The following PRKG1 variants were observed in gnomAD, a reference collection of about 807,000 sequenced individuals.
The protein encoded by PRKG1 is protein kinase cGMP-dependent 1.
PRKG1 carries 35 observed loss-of-function variants against 88.1 expected under a neutral mutation model. The observed-to-expected ratio is 0.40, with a 90% CI of 0.30 to 0.53. The LOEUF (loss-of-function observed/expected upper bound fraction) is 0.53. PRKG1 is among the 20% of genes least tolerant of loss of function. The pLI is 0.59. For missense variants in PRKG1, 540 were observed against 839.8 expected, an observed-to-expected ratio of 0.64 and a Z score of 4.41; for synonymous variants, 303 against 292.5, an observed-to-expected ratio of 1.04 and a Z score of -0.37.
intron 7 of PRKG1, among the ~76,000 whole-genome samples, chr10:52,110,474 A>G (rs538489243): frequency 4.8e-4 from 73 of 152,122 alleles, no homozygotes; most frequent in African/African-American, 1.7e-3. Flanking sequence ...AGATGGAGGC[A>G]GGAGGAAGAA....
At chr10:52,168,415 C>G (rs1185697029) in intron 9 of PRKG1, among the ~76,000 whole-genome samples, 1 of 152,044 alleles carries the variant, frequency 6.6e-6, no homozygotes, top group Non-Finnish European at 1.5e-5. Flanking sequence ...ATTATATAGT[C>G]AAGGAATTAA....
chr10:52,255,809 A>G (rs1487914545), intron 10 of PRKG1, among the ~76,000 whole-genome samples: 1 of 152,082 alleles, frequency 6.6e-6, no homozygotes, highest in East Asian at 1.9e-4. Context: ...ATTATGGAAC[A>G]TACTTAGTAA....
At chr10:51,044,016 G>A (rs55767509) in intron 1 of PRKG1, among the ~76,000 whole-genome samples, 35,866 of 152,070 alleles carry the variant, frequency 0.24, 4,372 homozygotes, top group Admixed American at 0.27. Context: ...ACCCTAAGAA[G>A]AAAATACTGT....
chr10:51,057,741 T>C (rs1843643106), intron 1 of PRKG1, among the ~76,000 whole-genome samples: 1 of 152,330 alleles, frequency 6.6e-6, no homozygotes, highest in South Asian at 2.1e-4. Flanking sequence ...ATTGGATTAA[T>C]ATATATTTAT....
chr10:51,414,275 G>C (rs906727337), intron 2 of PRKG1, among the ~76,000 whole-genome samples: 5 of 152,186 alleles, frequency 3.3e-5, no homozygotes, highest in African/African-American at 1.2e-4. Context: ...AAATAAGAAT[G>C]ATGGGTAGGT....
rs896372973 is a variant in PRKG1, at chr10:51,537,049, G to A, written c.592+69213G>A. Among the ~76,000 whole-genome samples, 6 of 152,090 alleles carry A rather than the reference G, an allele frequency of 3.9e-5. No homozygotes were observed. The South Asian group carries it at 1.2e-3, about 32-fold the overall frequency. On this transcript the variant is annotated intron_variant, in intron 3 of 17. Transcript: ENST00000373980. The stretch of plus-strand genomic sequence containing the variant: ...TGACTTTTGTTTATGGTAAAAGGTA[G>A]ATGTCCAGGTCCACTCTTCCTGCAT...
intron 9 of PRKG1, among the ~76,000 whole-genome samples, chr10:52,240,644 C>T (rs961247204): frequency 2.6e-5 from 4 of 152,094 alleles, no homozygotes; most frequent in African/African-American, 9.7e-5. Context: ...GAGATGTTTC[C>T]TGGGACTTAA....
At chr10:52,114,882 C>T (rs75319075) in intron 7 of PRKG1, among the ~76,000 whole-genome samples, 12 of 151,174 alleles carry the variant, frequency 7.9e-5, no homozygotes, top group African/African-American at 2.7e-4. Context: ...GTGAATGGAG[C>T]ATTGTAAAGG....
At chr10:51,708,325 T>A (rs1252579159) in intron 3 of PRKG1, among the ~76,000 whole-genome samples, 1 of 152,152 alleles carries the variant, frequency 6.6e-6, no homozygotes, top group African/African-American at 2.4e-5. Flanking sequence ...TAATTATAAT[T>A]ATCTCTTTAG....
chr10:52,096,149 T>C (rs1281588218), intron 7 of PRKG1, among the ~76,000 whole-genome samples: 1 of 152,210 alleles, frequency 6.6e-6, no homozygotes, highest in East Asian at 1.9e-4. Flanking sequence ...CTGATACGTT[T>C]TGTACTCTCT....
intron 2 of PRKG1, among the ~76,000 whole-genome samples, chr10:51,242,343 A>G (rs1839177092): frequency 6.6e-6 from 1 of 152,218 alleles, no homozygotes. Flanking sequence ...AACAAGTCCT[A>G]CTTTGTCTTC....
At chr10:52,169,010 A>G (rs1838579573) in intron 9 of PRKG1, among the ~76,000 whole-genome samples, 1 of 152,198 alleles carries the variant, frequency 6.6e-6, no homozygotes. Flanking sequence ...GAACATTTCG[A>G]TGTTAGATAG....
At chr10:51,380,105 T>C (rs930679980) in intron 2 of PRKG1, among the ~76,000 whole-genome samples, 2 of 152,180 alleles carry the variant, frequency 1.3e-5, no homozygotes, top group Non-Finnish European at 2.9e-5. Flanking sequence ...TTGCACTCTC[T>C]CTCTACCCCC....
intron 2 of PRKG1, among the ~76,000 whole-genome samples, chr10:51,331,060 C>T (rs1034363570): frequency 1.3e-5 from 2 of 152,092 alleles, no homozygotes; most frequent in African/African-American, 4.8e-5. Context: ...ATGTGGCTAG[C>T]ATGGTGCTTC....
intron 2 of PRKG1, among the ~76,000 whole-genome samples, chr10:51,277,001 A>G (rs1256889453): frequency 6.6e-6 from 1 of 152,098 alleles, no homozygotes; most frequent in Non-Finnish European, 1.5e-5. Flanking sequence ...TTTTGTTGCC[A>G]TTGCTTTTGG....
chr10:51,302,160 G>A (rs978758854), intron 2 of PRKG1, among the ~76,000 whole-genome samples: 2 of 152,172 alleles, frequency 1.3e-5, no homozygotes, highest in East Asian at 1.9e-4. Context: ...ACATTGAGGA[G>A]CACTACTAGG....
chr10:51,849,090 T>G (rs573748533), intron 4 of PRKG1, among the ~76,000 whole-genome samples: 1 of 152,300 alleles, frequency 6.6e-6, no homozygotes, highest in Admixed American at 6.5e-5. Flanking sequence ...TCTAAAAATA[T>G]CTATTTTCTG....
At chr10:51,736,875 G>C (rs1037691268) in intron 3 of PRKG1, among the ~76,000 whole-genome samples, 6 of 151,222 alleles carry the variant, frequency 4.0e-5, no homozygotes, top group African/African-American at 1.2e-4. Flanking sequence ...GCCTCAAGCA[G>C]TCCTCTCACC....
At chr10:51,690,120 C>T (rs955544323) in intron 3 of PRKG1, among the ~76,000 whole-genome samples, 4 of 152,062 alleles carry the variant, frequency 2.6e-5, no homozygotes, top group African/African-American at 9.7e-5. Context: ...AGGACCAGAG[C>T]AGGAGCAAGA....
Sources: allele counts gnomAD v4.1 joint callset (sites outside exome capture counted in the v4.1 genomes callset), GRCh38; gene constraint gnomAD v4.1.1; transcripts MANE v1.5; gene names NCBI Gene and HGNC (gene_info 2026-07-23, HGNC 2026-07-21).